Variants in LCOR observed in about 807,000 individuals in gnomAD.
LCOR encodes the protein ligand-dependent corepressor.
A neutral mutation model predicts 64.4 loss-of-function variants in LCOR; 14 were observed. The ratio of observed to expected loss-of-function variants is 0.22; its 90% CI spans 0.14 to 0.34. LCOR has a LOEUF of 0.34. Among genes scored for constraint, LCOR ranks in the 10% least tolerant of loss-of-function variants. The probability of loss-of-function intolerance (pLI) is 1.00; values close to 1 mark genes in which losing one functional copy is unlikely to be tolerated. For missense variants in LCOR, 1,686 were observed against 1,765.3 expected, an observed-to-expected ratio of 0.96 and a Z score of 0.80; for synonymous variants, 643 against 642.5, an observed-to-expected ratio of 1.00 and a Z score of -0.01.
chr10:96,958,955 A>G (rs1847830773), intron 7 of LCOR: 1 of 151,412 alleles, frequency 6.6e-6, no homozygotes, highest in Non-Finnish European at 1.5e-5. Context: ...ATTTCAAAAG[A>G]TATATATTTT....
chr10:96,974,490 C>T (rs917985480), intron 7 of LCOR, among the ~76,000 whole-genome samples: 2 of 152,196 alleles, frequency 1.3e-5, no homozygotes, highest in South Asian at 4.1e-4. Flanking sequence ...AATTACTGTT[C>T]TTATAAAGAC....
intron 2 of LCOR, among the ~76,000 whole-genome samples, chr10:96,856,336 T>C (rs1411075043): frequency 6.6e-6 from 1 of 151,882 alleles, no homozygotes; most frequent in Admixed American, 6.6e-5. Context: ...GATGGGATTA[T>C]AGGCATGAGC....
intron 2 of LCOR, among the ~76,000 whole-genome samples, chr10:96,860,574 A>T (rs879650339): frequency 6.6e-6 from 1 of 152,202 alleles, no homozygotes; most frequent in African/African-American, 2.4e-5. Context: ...CCAGTTACCC[A>T]GTTTGTGGTA....
chr10:96,881,657 A>G (rs1049979847), intron 2 of LCOR, among the ~76,000 whole-genome samples: 2 of 152,074 alleles, frequency 1.3e-5, no homozygotes, highest in African/African-American at 4.8e-5. Flanking sequence ...GGTTTTCACC[A>G]TGTTGGCCAG....
At chr10:96,859,597 G>A (rs891595102) in intron 2 of LCOR, among the ~76,000 whole-genome samples, 24 of 151,738 alleles carry the variant, frequency 1.6e-4, no homozygotes, top group Middle Eastern at 3.4e-3. Flanking sequence ...TCGCTCTGTC[G>A]CCCAGGCTGG....
In LCOR at chr10:96,983,353, A is replaced by G; in HGVS notation, c.2893A>G (p.Ser965Gly). The change falls in exon 8 of 8, where the codon AGT becomes GGT. Residue 965 changes from serine (S) to glycine (G), a missense_variant. Physicochemically the swap from Ser to Gly is moderately conservative, Grantham distance 56. Coordinates refer to ENST00000421806, the MANE Select transcript of LCOR (RefSeq NM_001346516.2). This position sits in a 1 kb window ranked among gnomAD's most constrained non-coding sequence, Gnocchi z 4.5. ...DEKNAHIPSESIACKRDPEQA... is the reference protein window; with the variant it reads ...DEKNAHIPSEGIACKRDPEQA... ...GAAGAATGCTCATATCCCCTCAGAA[A>G]GTATTGCTTGTAAGAGGGACCCAGA... 1 of 1,614,224 alleles carries G rather than the reference A, an allele frequency of 6.2e-7. No homozygotes were observed. Among genetic ancestry groups the G allele is most frequent in the South Asian group, 1.1e-5 (1 of 91,080 alleles).
rs541150886 is a variant in LCOR at position 96,986,224 on chromosome 10, C to G, written c.*1090C>G. The G allele has an allele frequency of 1.8e-5, 3 of 166,890 alleles. No individual in the cohort carries two copies. The highest frequency in any genetic ancestry group is 4.4e-5 in the Non-Finnish European group (3 of 68,102). 10.3% of individuals were successfully genotyped at this position (166,890 alleles called of 1,614,324 possible). ...CCCTATGCAGTGTGCTTGGGTGTCCCTGAGTTGAGTAATTAGCAAAGGACA... is the reference window on the plus strand; with the variant it reads ...CCCTATGCAGTGTGCTTGGGTGTCCGTGAGTTGAGTAATTAGCAAAGGACA... On this transcript the variant is annotated 3_prime_UTR_variant, in exon 8 of 8. Coordinates refer to ENST00000421806, the MANE Select transcript of LCOR (RefSeq NM_001346516.2).
chr10:96,958,757 T>C (rs1185876352), intron 7 of LCOR: 2 of 267,214 alleles, frequency 7.5e-6, no homozygotes, highest in African/African-American at 4.3e-5. Context: ...TCTTTCTCTC[T>C]CTTTTTTTGA....
intron 2 of LCOR, among the ~76,000 whole-genome samples, chr10:96,839,442 A>G (rs1845501199): frequency 6.6e-6 from 1 of 152,158 alleles, no homozygotes. Context: ...GGTGTCTCAC[A>G]CCTGTAATCC....
chr10:96,877,388 GGT>G lies in LCOR; in HGVS notation c.-329-29875_-329-29874del, dbSNP rs539880944. 2.8e-4 allele frequency among the ~76,000 whole-genome samples: 42 copies of G among 152,054 alleles called. No homozygotes were observed. The South Asian group carries it at 5.4e-3, about 20-fold the overall frequency. ...AAACATTCAAAAATTAGCTGAATGT[GGT>G]GATACATGTCTGTAGTCCCAGTACT... is the stretch of plus-strand genomic sequence containing the variant. On this transcript the variant is annotated intron_variant, in intron 2 of 7. Coordinates refer to ENST00000421806, the MANE Select transcript of LCOR (RefSeq NM_001346516.2).
intron 2 of LCOR, among the ~76,000 whole-genome samples, chr10:96,835,160 A>C (rs949893276): frequency 1.3e-5 from 2 of 152,196 alleles, no homozygotes; most frequent in African/African-American, 4.8e-5. Flanking sequence ...CGGCTTCCCA[A>C]AGTGCTGAAA....
chr10:96,969,865 C>T (rs1018105090), intron 7 of LCOR, among the ~76,000 whole-genome samples: 10 of 147,398 alleles, frequency 6.8e-5, no homozygotes, highest in Non-Finnish European at 1.2e-4. Context: ...CTGCAAGCTC[C>T]GAGTCTTGGG....
chr10:96,948,412 CAG>C (rs1292393327), intron 5 of LCOR, among the ~76,000 whole-genome samples: 4 of 152,160 alleles, frequency 2.6e-5, no homozygotes, highest in African/African-American at 9.7e-5. Context: ...ACTACTGAAT[CAG>C]AAACTCTGGG....
At position 96,901,481 on chromosome 10, in the gene LCOR, A is replaced by G. The variant is rs184250401; in HGVS notation, c.-329-5784A>G. Among the ~76,000 whole-genome samples the G allele has an allele frequency of 2.8e-4, 42 of 152,308 alleles. No individual in the cohort carries two copies. In the East Asian group the frequency reaches 7.1e-3, roughly 26 times the overall value. On this transcript the variant is annotated intron_variant, in intron 2 of 7. Transcript: ENST00000421806. ...TTCAGATATTTTACCAGGAGAGTCT[A>G]CATGTGTAGCTTCCCCTCCAACCCC...
At chr10:96,859,013 T>A (rs1845846716) in intron 2 of LCOR, among the ~76,000 whole-genome samples, 2 of 152,186 alleles carry the variant, frequency 1.3e-5, no homozygotes, top group South Asian at 4.1e-4. Flanking sequence ...ATCAGGACAC[T>A]TTGTATTGCA....
chr10:96,976,754 T>C (rs1273785801), intron 7 of LCOR, among the ~76,000 whole-genome samples: 2 of 152,220 alleles, frequency 1.3e-5, no homozygotes, highest in African/African-American at 4.8e-5. Context: ...GCTTTCTTCA[T>C]AGCACTCTGT....
At chr10:96,937,678 T>C (rs1452690238) in intron 4 of LCOR, among the ~76,000 whole-genome samples, 1 of 152,106 alleles carries the variant, frequency 6.6e-6, no homozygotes, top group Non-Finnish European at 1.5e-5. Flanking sequence ...GTCAGACATT[T>C]AAAGACAAAT....
At chr10:96,970,068 G>A (rs977290563) in intron 7 of LCOR, among the ~76,000 whole-genome samples, 15 of 147,594 alleles carry the variant, frequency 1.0e-4, no homozygotes, top group African/African-American at 3.7e-4. Context: ...TGGGATTACA[G>A]GTGTGAGCCA....
intron 2 of LCOR, among the ~76,000 whole-genome samples, chr10:96,856,994 A>G (rs1166924586): frequency 6.6e-6 from 1 of 151,970 alleles, no homozygotes; most frequent in Admixed American, 6.6e-5. Flanking sequence ...TAGAAAAAAT[A>G]GACTTAACCA....
Sources: gnomAD v4.1 joint callset for allele counts (sites outside exome capture counted in the v4.1 genomes callset) on GRCh38, gnomAD v4.1.1 for gene constraint, Gnocchi (gnomAD v3.1) non-coding constraint, MANE v1.5 for transcripts, NCBI Gene and HGNC (gene_info 2026-07-23, HGNC 2026-07-21) for gene names.